The following KCNMA1 variants were observed in gnomAD, a reference collection of about 807,000 sequenced individuals.
KCNMA1 encodes Calcium-activated potassium channel subunit alpha-1.
In KCNMA1, 29 loss-of-function variants were observed where a neutral mutation model predicts 140.0. The observed-to-expected ratio is 0.21, with a 90% CI of 0.15 to 0.28. The LOEUF (loss-of-function observed/expected upper bound fraction) is 0.28, where lower values mean the gene tolerates loss of function less well. Among genes scored for constraint, KCNMA1 ranks in the 10% least tolerant of loss-of-function variants. The pLI, the probability that KCNMA1 is intolerant of heterozygous loss-of-function variation, is 1.00. For synonymous variants in KCNMA1, 612 were observed against 611.9 expected, an observed-to-expected ratio of 1.00 and a Z score of 0.00; for missense variants, 880 against 1,602.2, an observed-to-expected ratio of 0.55 and a Z score of 7.70.
At chr10:77,361,483 G>A (rs1198956570) in intron 2 of KCNMA1, among the ~76,000 whole-genome samples, 1 of 152,218 alleles carries the variant, frequency 6.6e-6, no homozygotes, top group Non-Finnish European at 1.5e-5. Flanking sequence ...CAGGGTGACT[G>A]GCTGCCCCCT....
At chr10:77,628,407 G>T (rs1346589472) in intron 1 of KCNMA1, among the ~76,000 whole-genome samples, 1 of 152,168 alleles carries the variant, frequency 6.6e-6, no homozygotes, top group African/African-American at 2.4e-5. Flanking sequence ...TGTAATCCCA[G>T]CACTTTGGGA....
chr10:76,935,625 T>A (rs954514062), intron 23 of KCNMA1, among the ~76,000 whole-genome samples: 1 of 151,940 alleles, frequency 6.6e-6, no homozygotes, highest in Non-Finnish European at 1.5e-5. Context: ...GAAAAAAAAA[T>A]TACATTTTCT....
intron 1 of KCNMA1, among the ~76,000 whole-genome samples, chr10:77,477,548 A>G (rs1021031755): frequency 2.0e-5 from 3 of 152,226 alleles, no homozygotes; most frequent in African/African-American, 7.2e-5. Flanking sequence ...GTGTTAAAAA[A>G]GATCCTGAAG....
chr10:77,125,052 C>T (rs1478126132), intron 5 of KCNMA1, among the ~76,000 whole-genome samples: 2 of 152,114 alleles, frequency 1.3e-5, no homozygotes, highest in African/African-American at 2.4e-5. Flanking sequence ...CTCACTATCA[C>T]GAGAACAGCA....
chr10:77,393,780 CAA>C (rs1038089213), intron 2 of KCNMA1, among the ~76,000 whole-genome samples: 8 of 152,242 alleles, frequency 5.3e-5, no homozygotes, highest in Non-Finnish European at 1.2e-4. Context: ...AGATGGAGAT[CAA>C]AAAAGAGTAG....
At chr10:77,593,810 C>T (rs1168092328) in intron 1 of KCNMA1, among the ~76,000 whole-genome samples, 1 of 152,168 alleles carries the variant, frequency 6.6e-6, no homozygotes, top group African/African-American at 2.4e-5. Context: ...GATTTTGTCT[C>T]TCTAGTTTTT....
intron 5 of KCNMA1, among the ~76,000 whole-genome samples, chr10:77,175,968 CCA>C (rs372008887): frequency 2.3e-4 from 35 of 152,178 alleles, no homozygotes; most frequent in African/African-American, 7.5e-4. Context: ...TGAAACCAGG[CCA>C]CAGCTTTCAT....
chr10:76,996,587 C>T (rs576946434), intron 19 of KCNMA1, among the ~76,000 whole-genome samples: 6 of 152,226 alleles, frequency 3.9e-5, no homozygotes, highest in Middle Eastern at 3.4e-3. Context: ...TTGGTGTGCA[C>T]ATGTGTGATG....
chr10:77,017,454 A>G (rs1431415356), intron 17 of KCNMA1, among the ~76,000 whole-genome samples: 1 of 152,178 alleles, frequency 6.6e-6, no homozygotes, highest in Non-Finnish European at 1.5e-5. Flanking sequence ...GATACTCTTG[A>G]ACAACCGGGA....
chr10:77,387,540 CTTTTCTTTTCTTTTCT>C (rs1233611896), intron 2 of KCNMA1, among the ~76,000 whole-genome samples: 8 of 148,532 alleles, frequency 5.4e-5, no homozygotes, highest in Admixed American at 1.3e-4. Flanking sequence ...CTTTTCTTTT[CTTTTCTTTTCTTTTCT>C]TTTTCTTTTC....
chr10:77,012,497 A>T (rs768634003), intron 17 of KCNMA1: 12 of 1,550,306 alleles, frequency 7.7e-6, no homozygotes, highest in Middle Eastern at 1.7e-4. Context: ...TAAAAATATC[A>T]AGCTTGTCAC....
In KCNMA1 at chr10:77,135,244, G is replaced by T. The variant is rs79162374; in HGVS notation, c.809-14196C>A. 1.0e-2 allele frequency among the ~76,000 whole-genome samples: 1,519 copies of T among 152,088 alleles called. 66 individuals carry two copies. In the East Asian group the frequency reaches 0.14, roughly 14 times the overall value. On this transcript the variant is annotated intron_variant, in intron 5 of 27. Transcript: ENST00000286628. ...ATAGCCAACAGTAAATGTTTAAAAT[G>T]TTTGACATCACTATTTATCAGGGAA... is the stretch of plus-strand genomic sequence containing the variant.
At chr10:77,225,775 G>A (rs983617273) in intron 3 of KCNMA1, among the ~76,000 whole-genome samples, 7 of 152,222 alleles carry the variant, frequency 4.6e-5, no homozygotes, top group South Asian at 2.1e-4. Context: ...GCCACATGCC[G>A]AATGGAGGAG....
intron 1 of KCNMA1, among the ~76,000 whole-genome samples, chr10:77,601,151 A>T (rs1481605502): frequency 6.6e-6 from 1 of 152,150 alleles, no homozygotes; most frequent in African/African-American, 2.4e-5. Context: ...ATTCAGAAAC[A>T]TGATCTCCTT....
At chr10:77,634,728 C>T (rs1381395517) in intron 1 of KCNMA1, 13 of 813,370 alleles carry the variant, frequency 1.6e-5, no homozygotes, top group Non-Finnish European at 1.9e-5. Flanking sequence ...GCCTGTGTAT[C>T]GAGTCTTGAC....
intron 2 of KCNMA1, among the ~76,000 whole-genome samples, chr10:77,390,733 C>T (rs1245381412): frequency 2.0e-5 from 3 of 152,216 alleles, no homozygotes; most frequent in Non-Finnish European, 4.4e-5. Context: ...AGTACACTTC[C>T]AAACCCCACG....
chr10:77,130,024 T>C (rs953798395), intron 5 of KCNMA1, among the ~76,000 whole-genome samples: 1 of 152,148 alleles, frequency 6.6e-6, no homozygotes, highest in African/African-American at 2.4e-5. Flanking sequence ...ATTAAAATTC[T>C]AAACTGTTCC....
At chr10:77,360,429 G>C (rs1215302337) in intron 2 of KCNMA1, among the ~76,000 whole-genome samples, 1 of 152,164 alleles carries the variant, frequency 6.6e-6, no homozygotes, top group African/African-American at 2.4e-5. Flanking sequence ...AGTCTTTCCA[G>C]GCTATGGCCA....
intron 1 of KCNMA1, among the ~76,000 whole-genome samples, chr10:77,411,255 G>C (rs2096612256): frequency 1.3e-5 from 2 of 152,078 alleles, no homozygotes; most frequent in Non-Finnish European, 2.9e-5. Context: ...TGTGAGCTCA[G>C]AGTAAGCACC....
Sources: allele counts gnomAD v4.1 joint callset (sites outside exome capture counted in the v4.1 genomes callset), GRCh38; gene constraint gnomAD v4.1.1; transcripts MANE v1.5; gene names NCBI Gene and HGNC (gene_info 2026-07-23, HGNC 2026-07-21).